VKORC1L1: variants seen among roughly 807,000 people sequenced by gnomAD.
VKORC1L1 encodes the protein vitamin K epoxide reductase complex subunit 1L1.
A neutral mutation model predicts 18.9 loss-of-function variants in VKORC1L1; 2 were observed. The ratio of observed to expected loss-of-function variants is 0.11; its 90% CI spans 0.04 to 0.33. VKORC1L1 has a LOEUF of 0.33. Ranked by LOEUF, VKORC1L1 falls within the 10% of genes least tolerant of loss-of-function variation. VKORC1L1 has a pLI of 1.00. For synonymous variants in VKORC1L1, 96 were observed against 100.0 expected (o/e 0.96, Z 0.24); for missense variants, 123 against 224.1 (o/e 0.55, Z 2.88).
intron 1 of VKORC1L1, among the ~76,000 whole-genome samples, chr7:65,921,887 G>A (rs964472176): frequency 2.0e-5 from 3 of 151,668 alleles, no homozygotes; most frequent in Admixed American, 6.6e-5. Context: ...CGGGTCTCAC[G>A]GTGTTACCCA....
At chr7:65,878,687 G>C (rs1418865180) in intron 1 of VKORC1L1, among the ~76,000 whole-genome samples, 3 of 152,052 alleles carry the variant, frequency 2.0e-5, no homozygotes, top group Non-Finnish European at 4.4e-5. Context: ...GGCGGATCAC[G>C]AGGTCGGGAG....
rs1364424461 is a variant in VKORC1L1, at chr7:65,955,622, G to A, written c.*1322G>A. 1 of 152,196 alleles carries A rather than the reference G, an allele frequency of 6.6e-6. No homozygotes were observed. The highest frequency in any genetic ancestry group is 2.4e-5 in the African/African-American group (1 of 41,458). The allele number at this position is 152,196 out of a possible 1,614,324, so 9.4% of individuals were successfully genotyped here. A position where few individuals can be genotyped will look rare whatever the true frequency, so the allele number is the denominator to read the frequency against. ...CATCTGATATCAGAATGTTAAAAGT[G>A]CCTTCTGTCTTAAATCTCAAACCAA... On this transcript the variant is annotated 3_prime_UTR_variant, in exon 3 of 3. Coordinates refer to ENST00000360768, the MANE Select transcript of VKORC1L1 (RefSeq NM_173517.6).
intron 1 of VKORC1L1, among the ~76,000 whole-genome samples, chr7:65,919,171 T>C (rs1446990112): frequency 2.6e-5 from 4 of 152,196 alleles, no homozygotes; most frequent in African/African-American, 4.8e-5. Flanking sequence ...CAGGTCCCCA[T>C]AGTCCTACAC....
intron 1 of VKORC1L1, among the ~76,000 whole-genome samples, chr7:65,931,321 C>T (rs114651277): frequency 1.3e-5 from 2 of 151,896 alleles, no homozygotes; most frequent in African/African-American, 2.4e-5. Context: ...GGTATTACTT[C>T]GTATATATTT....
At chr7:65,895,472 AAAAAAAAAATATATAT>A (rs1466854419) in intron 1 of VKORC1L1, among the ~76,000 whole-genome samples, 3 of 50,578 alleles carry the variant, frequency 5.9e-5, no homozygotes, top group African/African-American at 1.8e-4. Context: ...AAAAAAAAAA[AAAAAAAAAATATATAT>A]ATATATATAT....
chr7:65,906,041 C>T (rs1789400557), intron 1 of VKORC1L1, among the ~76,000 whole-genome samples: 2 of 152,000 alleles, frequency 1.3e-5, no homozygotes, highest in Non-Finnish European at 2.9e-5. Flanking sequence ...GTTACTGCTT[C>T]AGCTTCATTG....
intron 1 of VKORC1L1, among the ~76,000 whole-genome samples, chr7:65,916,633 T>C (rs1023830920): frequency 1.3e-4 from 20 of 151,958 alleles, no homozygotes; most frequent in Admixed American, 3.3e-4. Flanking sequence ...AGTTTTGCTC[T>C]TGTTGCCCAG....
chr7:65,888,337 A>C (rs1251221588), intron 1 of VKORC1L1, among the ~76,000 whole-genome samples: 1 of 152,186 alleles, frequency 6.6e-6, no homozygotes, highest in Admixed American at 6.5e-5. Context: ...ACTCCAGGGT[A>C]AAAGACTGGA....
intron 1 of VKORC1L1, among the ~76,000 whole-genome samples, chr7:65,944,714 C>A (rs754126564): frequency 2.0e-5 from 3 of 151,016 alleles, no homozygotes; most frequent in Admixed American, 2.0e-4. Context: ...CTCAGGAGTT[C>A]GAGACCAGCC....
At chr7:65,906,998 G>A (rs1255350862) in intron 1 of VKORC1L1, among the ~76,000 whole-genome samples, 1 of 152,186 alleles carries the variant, frequency 6.6e-6, no homozygotes, top group African/African-American at 2.4e-5. Context: ...TGAAACTAGT[G>A]TATTTACTCA....
At position 65,873,273 on chromosome 7, in the gene VKORC1L1, G is replaced by A. The variant is rs867523491; in HGVS notation, c.-99G>A. 7.2e-3 allele frequency: 7,035 copies of A among 981,142 alleles called. 32 individuals are homozygous for A. Among genetic ancestry groups the A allele is most frequent in the Non-Finnish European group, 7.8e-3 (6,496 of 829,306 alleles). The allele number at this position is 981,142 out of a possible 1,614,324, so 60.8% of individuals were successfully genotyped here. Reference sequence around the variant, plus strand: ...CGGCGGCGGTGGTGGCGGCGGCGGCGGAGGCGGCGGTGGCGGCGGTGGCGG... The same window carrying A: ...CGGCGGCGGTGGTGGCGGCGGCGGCAGAGGCGGCGGTGGCGGCGGTGGCGG... On this transcript the variant is annotated 5_prime_UTR_variant, in exon 1 of 3. Coordinates refer to ENST00000360768, the MANE Select transcript of VKORC1L1 (RefSeq NM_173517.6).
At chr7:65,924,958 G>T (rs979619668) in intron 1 of VKORC1L1, among the ~76,000 whole-genome samples, 2 of 151,904 alleles carry the variant, frequency 1.3e-5, no homozygotes, top group African/African-American at 4.8e-5. Context: ...CACCTTCATG[G>T]GTGCTTTCCC....
chr7:65,918,017 G>C (rs1171266902), intron 1 of VKORC1L1, among the ~76,000 whole-genome samples: 2 of 152,228 alleles, frequency 1.3e-5, no homozygotes, highest in Non-Finnish European at 2.9e-5. Flanking sequence ...GACAGCTACA[G>C]TGACAGTTCT....
At chr7:65,935,138 A>G (rs1789921137) in intron 1 of VKORC1L1, among the ~76,000 whole-genome samples, 1 of 151,638 alleles carries the variant, frequency 6.6e-6, no homozygotes, top group African/African-American at 2.4e-5. Context: ...TTCTCCTTCA[A>G]TGTGAAGAAC....
At chr7:65,896,494 C>T (rs1789214391) in intron 1 of VKORC1L1, among the ~76,000 whole-genome samples, 1 of 152,074 alleles carries the variant, frequency 6.6e-6, no homozygotes, top group South Asian at 2.1e-4. Flanking sequence ...AGCTTACCCT[C>T]CTACCAGCAA....
chr7:65,902,943 C>T (rs947671881), intron 1 of VKORC1L1, among the ~76,000 whole-genome samples: 12 of 151,938 alleles, frequency 7.9e-5, no homozygotes, highest in Admixed American at 2.0e-4. Flanking sequence ...CTTGGCTCAC[C>T]GTGACCTCCG....
At chr7:65,945,491 A>C (rs886097253) in intron 1 of VKORC1L1, among the ~76,000 whole-genome samples, 16 of 152,006 alleles carry the variant, frequency 1.1e-4, no homozygotes, top group Non-Finnish European at 1.8e-4. Context: ...GGGCGCCTGT[A>C]GTCCCAGCCA....
chr7:65,918,604 T>G (rs549963091), intron 1 of VKORC1L1, among the ~76,000 whole-genome samples: 1 of 152,356 alleles, frequency 6.6e-6, no homozygotes, highest in East Asian at 1.9e-4. Context: ...CAGTAACACA[T>G]GCACAGCATC....
At chr7:65,917,295 GTTC>G (rs1284491786) in intron 1 of VKORC1L1, among the ~76,000 whole-genome samples, 2 of 152,098 alleles carry the variant, frequency 1.3e-5, no homozygotes, top group Non-Finnish European at 2.9e-5. Flanking sequence ...GGCCTTCATT[GTTC>G]TTCTAGGTTT....
Sources: allele counts gnomAD v4.1 joint callset (sites outside exome capture counted in the v4.1 genomes callset), GRCh38; gene constraint gnomAD v4.1.1; transcripts MANE v1.5; gene names NCBI Gene and HGNC (gene_info 2026-07-23, HGNC 2026-07-21).